WDR59: variants seen among roughly 807,000 people sequenced by gnomAD.
The protein encoded by WDR59 is WD repeat domain 59.
WDR59 carries 100 observed loss-of-function variants against 131.2 expected under a neutral mutation model. That is an observed-to-expected ratio of 0.76 (90% CI 0.65 to 0.90). WDR59 has a LOEUF of 0.90. WDR59 is among the 40% of genes least tolerant of loss of function. The pLI, the probability that WDR59 is intolerant of heterozygous loss-of-function variation, is 0.00. For missense variants in WDR59, 1,203 were observed against 1,262.2 expected (o/e 0.95, Z 0.71); for synonymous variants, 601 against 466.2 (o/e 1.29, Z -3.72).
At chr16:74,945,654 T>G (rs535624467) in intron 6 of WDR59, among the ~76,000 whole-genome samples, 1 of 152,040 alleles carries the variant, frequency 6.6e-6, no homozygotes, top group African/African-American at 2.4e-5. Flanking sequence ...AGTGGAACTG[T>G]TAAGCACTTA....
intron 8 of WDR59, among the ~76,000 whole-genome samples, chr16:74,926,151 C>G (rs2030791237): frequency 6.8e-6 from 1 of 147,776 alleles, no homozygotes; most frequent in Non-Finnish European, 1.5e-5. Flanking sequence ...CCTCCGCCTC[C>G]CAGGTTCAAG....
intron 18 of WDR59, among the ~76,000 whole-genome samples, chr16:74,895,468 G>T (rs1965256675): frequency 6.6e-6 from 1 of 152,000 alleles, no homozygotes; most frequent in African/African-American, 2.4e-5. Flanking sequence ...TCACCATATT[G>T]GCCAGGCTGG....
At position 74,960,095 on chromosome 16, in the gene WDR59, C is replaced by T. The variant is rs535765956; in HGVS notation, c.105-3485G>A. ...CTGTAATCCTAGCACTTTGGGAGGCCGAGGCGGGTAGACTGCCTGAGCTCA... is the reference window on the plus strand; with the variant it reads ...CTGTAATCCTAGCACTTTGGGAGGCTGAGGCGGGTAGACTGCCTGAGCTCA... On this transcript the variant is annotated intron_variant, in intron 2 of 25. Coordinates refer to ENST00000262144, the MANE Select transcript of WDR59 (RefSeq NM_030581.4). Among the ~76,000 whole-genome samples, 18 of 151,102 alleles carry T rather than the reference C, an allele frequency of 1.2e-4. No homozygotes were observed. In the East Asian group the frequency reaches 2.2e-3, roughly 18 times the overall value.
At chr16:74,893,658 G>C (rs537516358) in intron 19 of WDR59, 21 bp downstream of exon 19, 2 of 1,611,506 alleles carry the variant, frequency 1.2e-6, no homozygotes, top group African/African-American at 2.7e-5. Context: ...GAGTGCAGCA[G>C]ACTTGAAATT....
At position 74,949,953 on chromosome 16, in the gene WDR59, G is replaced by A. The variant is rs1416440133; in HGVS notation, c.327-155C>T. ...GCTGAGAATCTCCAAAGTTCCTTGG[G>A]AACGAACATGAGTTTGGAAGGAAAC... On this transcript the variant is annotated intron_variant, in intron 4 of 25. Transcript: ENST00000262144. The A allele has an allele frequency of 5.5e-6, 4 of 723,572 alleles. No homozygotes were observed. In the East Asian group the frequency reaches 1.2e-4, roughly 21 times the overall value. 44.8% of individuals were successfully genotyped at this position (723,572 alleles called of 1,614,324 possible).
intron 20 of WDR59, among the ~76,000 whole-genome samples, chr16:74,892,052 T>C (rs1425939224): frequency 1.3e-5 from 2 of 152,222 alleles, no homozygotes; most frequent in East Asian, 1.9e-4. Flanking sequence ...TACACTGATA[T>C]GTTGCTGCAA....
rs369188088 is a variant in WDR59 at position 74,932,970 on chromosome 16, T to C, written c.651+5180A>G. ...TGATTTATCAAGGAGAAAAATGGAA[T>C]AATTTCGCCTTATATATTACATGTT... On this transcript the variant is annotated intron_variant, in intron 8 of 25. Transcript: ENST00000262144. Among the ~76,000 whole-genome samples, 25 of 152,334 alleles carry C rather than the reference T, an allele frequency of 1.6e-4. 2 individuals are homozygous for C. The highest frequency in any genetic ancestry group is 1.0e-3 in the South Asian group (5 of 4,828).
At position 74,874,062 on chromosome 16, in the gene WDR59, G is replaced by A. The variant is rs1964084192; in HGVS notation, c.*147C>T. On this transcript the variant is annotated 3_prime_UTR_variant, in exon 26 of 26. Coordinates refer to ENST00000262144, the MANE Select transcript of WDR59 (RefSeq NM_030581.4). ...AGAAGAGAAGGCAGAGGCCCACCAA[G>A]AGCTGATGCTGCGCAGTCCTTGGGG... The A allele has an allele frequency of 1.5e-6, 1 of 661,246 alleles. No individual in the cohort carries two copies. Among genetic ancestry groups the A allele is most frequent in the African/African-American group, 1.8e-5 (1 of 55,128 alleles). The allele number at this position is 661,246 out of a possible 1,614,324, so 41.0% of individuals were successfully genotyped here.
At chr16:74,946,346 T>C (rs567198067) in intron 6 of WDR59, among the ~76,000 whole-genome samples, 1 of 152,328 alleles carries the variant, frequency 6.6e-6, no homozygotes, top group African/African-American at 2.4e-5. Context: ...ACTGTATTAC[T>C]ATATTAAGTA....
At chr16:74,972,025 A>G (rs2145219487) in intron 1 of WDR59, among the ~76,000 whole-genome samples, 1 of 152,314 alleles carries the variant, frequency 6.6e-6, no homozygotes, top group East Asian at 1.9e-4. Flanking sequence ...TTGCTTTTCC[A>G]TACTGAAAAG....
At chr16:74,974,543 C>T (rs1034167017) in intron 1 of WDR59, among the ~76,000 whole-genome samples, 2 of 152,104 alleles carry the variant, frequency 1.3e-5, no homozygotes, top group Admixed American at 6.6e-5. Context: ...ACTATCCTTG[C>T]GAGGCCTGCT....
At chr16:74,910,069 G>A in intron 14 of WDR59, 152 bp from the exon 15 acceptor site, 1 of 632,698 alleles carries the variant, frequency 1.6e-6, no homozygotes, top group Non-Finnish European at 2.6e-6. Flanking sequence ...CCGTCTTCAA[G>A]TGATTCTTGT....
At chr16:74,937,604 C>T (rs976189794) in intron 8 of WDR59, among the ~76,000 whole-genome samples, 5 of 152,154 alleles carry the variant, frequency 3.3e-5, no homozygotes, top group Non-Finnish European at 7.3e-5. Flanking sequence ...CAGGTTCAAG[C>T]GATTCTTGTG....
chr16:74,930,718 C>G (rs573775323), intron 8 of WDR59: 1 of 151,998 alleles, frequency 6.6e-6, no homozygotes, highest in African/African-American at 2.4e-5. Context: ...CATGGTGAAA[C>G]TCTGTCTCTA....
intron 9 of WDR59, among the ~76,000 whole-genome samples, chr16:74,922,652 T>A (rs1174487995): frequency 2.6e-5 from 4 of 152,308 alleles, no homozygotes; most frequent in Middle Eastern, 3.4e-3. Flanking sequence ...AACTACTGGG[T>A]AGCTAAGGGT....
At chr16:74,961,245 C>A (rs912598307) in intron 2 of WDR59, among the ~76,000 whole-genome samples, 1 of 151,974 alleles carries the variant, frequency 6.6e-6, no homozygotes, top group Non-Finnish European at 1.5e-5. Context: ...GAAGTCGAGA[C>A]TGCAGTGAGC....
At chr16:74,974,671 C>T (rs1043746713) in intron 1 of WDR59, among the ~76,000 whole-genome samples, 5 of 152,126 alleles carry the variant, frequency 3.3e-5, no homozygotes, top group African/African-American at 9.7e-5. Flanking sequence ...ACGTAGTTTA[C>T]GCTGAGTGCC....
intron 25 of WDR59, among the ~76,000 whole-genome samples, chr16:74,885,008 C>G (rs1357241662): frequency 6.6e-6 from 1 of 152,188 alleles, no homozygotes; most frequent in Admixed American, 6.5e-5. Flanking sequence ...ACTTAATTTT[C>G]CCCCCTACTC....
chr16:74,941,105 G>A (rs2032184674), intron 7 of WDR59, among the ~76,000 whole-genome samples: 1 of 151,968 alleles, frequency 6.6e-6, no homozygotes, highest in Non-Finnish European at 1.5e-5. Flanking sequence ...AGCACTTTGG[G>A]AGGCTGAGGT....
Sources: allele counts gnomAD v4.1 joint callset (sites outside exome capture counted in the v4.1 genomes callset), GRCh38; gene constraint gnomAD v4.1.1; transcripts MANE v1.5; gene names NCBI Gene and HGNC (gene_info 2026-07-23, HGNC 2026-07-21).